Variants in ETV6 observed in about 807,000 individuals in gnomAD.
ETV6 encodes the protein transcription factor ETV6.
ETV6 carries 16 observed loss-of-function variants against 51.1 expected under a neutral mutation model. The observed-to-expected ratio is 0.31, with a 90% CI of 0.21 to 0.48. ETV6 has a LOEUF of 0.48. Ranked by LOEUF, ETV6 falls within the 20% of genes least tolerant of loss-of-function variation. The pLI is 0.99. For missense variants in ETV6, 458 were observed against 594.8 expected, an observed-to-expected ratio of 0.77 and a Z score of 2.39; for synonymous variants, 240 against 224.1, an observed-to-expected ratio of 1.07 and a Z score of -0.64.
intron 1 of ETV6, among the ~76,000 whole-genome samples, chr12:11,726,882 G>T (rs1269443681): frequency 6.6e-6 from 1 of 152,326 alleles, no homozygotes; most frequent in Middle Eastern, 3.4e-3. Context: ...GTAAGCCATC[G>T]ACACACACAT....
chr12:11,793,771 AT>A (rs1945638936), intron 2 of ETV6, among the ~76,000 whole-genome samples: 1 of 152,176 alleles, frequency 6.6e-6, no homozygotes, highest in Non-Finnish European at 1.5e-5. Flanking sequence ...TCTTACTTGT[AT>A]TTCCCAGGCA....
rs1017872316 is a variant in ETV6, at chr12:11,894,642, A to G, written c.*3596A>G. 2.1e-5 allele frequency: 5 copies of G among 233,136 alleles called. No individual in the cohort carries two copies. Among genetic ancestry groups the G allele is most frequent in the African/African-American group, 8.8e-5 (4 of 45,346 alleles). 14.4% of individuals were successfully genotyped at this position (233,136 alleles called of 1,614,324 possible). On this transcript the variant is annotated 3_prime_UTR_variant, in exon 8 of 8. Coordinates refer to ENST00000396373, the MANE Select transcript of ETV6 (RefSeq NM_001987.5). ...AGCTGAAATTCAAATGGCTGTGACA[A>G]TTTACCGAAATGATGAAGTAACCAC... is the stretch of plus-strand genomic sequence containing the variant.
At chr12:11,877,302 CT>C (rs377757573) in intron 5 of ETV6, among the ~76,000 whole-genome samples, 2,720 of 141,494 alleles carry the variant, frequency 0.019, 42 homozygotes, top group African/African-American at 0.043. Flanking sequence ...AGCCTATAGA[CT>C]TTTTTTTTTT....
intron 2 of ETV6, among the ~76,000 whole-genome samples, chr12:11,808,060 A>T (rs1313688061): frequency 3.9e-5 from 6 of 152,234 alleles, no homozygotes; most frequent in African/African-American, 1.4e-4. Flanking sequence ...AATTCACTTG[A>T]AAAAGAATAC....
intron 1 of ETV6, among the ~76,000 whole-genome samples, chr12:11,653,793 T>C (rs1279477096): frequency 6.6e-6 from 1 of 151,400 alleles, no homozygotes; most frequent in East Asian, 1.9e-4. Flanking sequence ...TGCTTATTAA[T>C]AGAATTTTGA....
At chr12:11,886,896 G>C (rs2723809) in intron 7 of ETV6, among the ~76,000 whole-genome samples, 121,366 of 152,098 alleles carry the variant, frequency 0.8, 49,191 homozygotes, top group Middle Eastern at 0.9. Flanking sequence ...TGGGTGATGA[G>C]TTTTGGCAGG....
At chr12:11,842,281 A>G (rs1946403321) in intron 3 of ETV6, among the ~76,000 whole-genome samples, 1 of 151,880 alleles carries the variant, frequency 6.6e-6, no homozygotes, top group Non-Finnish European at 1.5e-5. Flanking sequence ...CTTGACTCCC[A>G]TCCCTACTTC....
At chr12:11,886,140 C>A in intron 7 of ETV6, 114 bp downstream of exon 7, 4 of 733,236 alleles carry the variant, frequency 5.5e-6, no homozygotes, top group South Asian at 3.4e-5. Flanking sequence ...TACCCAAAGC[C>A]AATCATTGCT....
chr12:11,735,565 G>C (rs1470986693), intron 1 of ETV6, among the ~76,000 whole-genome samples: 1 of 152,194 alleles, frequency 6.6e-6, no homozygotes, highest in Admixed American at 6.5e-5. Flanking sequence ...CTGGGTTCCA[G>C]GCCTGGCTTG....
intron 2 of ETV6, among the ~76,000 whole-genome samples, chr12:11,829,107 A>G (rs1419737137): frequency 6.6e-6 from 1 of 151,978 alleles, no homozygotes; most frequent in African/African-American, 2.4e-5. Context: ...TCCTCAAAGC[A>G]CTGTACTGGG....
rs553234277 is a variant in ETV6 at position 11,687,284 on chromosome 12, G to A, written c.33+37124G>A. ...CCCACGCCCCCCACCAGGTTCAAAC[G>A]ATTCTCCTGCTTCAGCCTCCCAAGT... On this transcript the variant is annotated intron_variant, in intron 1 of 7. Coordinates refer to ENST00000396373, the MANE Select transcript of ETV6 (RefSeq NM_001987.5). Among the ~76,000 whole-genome samples, 11 of 128,746 alleles carry A rather than the reference G, an allele frequency of 8.5e-5. No individual in the cohort carries two copies. In the South Asian group the frequency reaches 2.1e-3, roughly 25 times the overall value. The allele number at this position is 128,746 out of a possible 152,430, so 84.5% of individuals were successfully genotyped here.
intron 2 of ETV6, among the ~76,000 whole-genome samples, chr12:11,753,425 A>G (rs1397006282): frequency 6.6e-6 from 1 of 152,152 alleles, no homozygotes; most frequent in Non-Finnish European, 1.5e-5. Context: ...CACCCTCTTC[A>G]CAGTGTCCAA....
intron 2 of ETV6, among the ~76,000 whole-genome samples, chr12:11,782,319 T>C (rs1945424867): frequency 6.6e-6 from 1 of 152,174 alleles, no homozygotes; most frequent in African/African-American, 2.4e-5. Flanking sequence ...TAACAGTTTG[T>C]TAAACTGTTG....
intron 6 of ETV6, among the ~76,000 whole-genome samples, chr12:11,885,660 C>T (rs777500391): frequency 6.6e-6 from 1 of 152,204 alleles, no homozygotes; most frequent in Non-Finnish European, 1.5e-5. Flanking sequence ...GCTATGGGAT[C>T]TGCTTTATTA....
intron 7 of ETV6, among the ~76,000 whole-genome samples, chr12:11,889,541 A>C (rs941384288): frequency 6.6e-6 from 1 of 152,338 alleles, no homozygotes; most frequent in Middle Eastern, 3.4e-3. Context: ...AGTGCCATTA[A>C]GCAGCTCTTT....
intron 2 of ETV6, among the ~76,000 whole-genome samples, chr12:11,773,276 A>T (rs1330096679): frequency 2.0e-5 from 3 of 150,926 alleles, no homozygotes; most frequent in African/African-American, 7.3e-5. Context: ...GGTATAAAGA[A>T]TTTTTTTTAA....
At chr12:11,803,886 A>G (rs958177250) in intron 2 of ETV6, among the ~76,000 whole-genome samples, 3 of 152,224 alleles carry the variant, frequency 2.0e-5, no homozygotes, top group Non-Finnish European at 2.9e-5. Flanking sequence ...TATTGATGTC[A>G]TAATATGTAG....
chr12:11,749,286 C>T (rs1422785329), intron 1 of ETV6, among the ~76,000 whole-genome samples: 1 of 64,238 alleles, frequency 1.6e-5, no homozygotes, highest in Non-Finnish European at 3.1e-5. Context: ...TTATCCCCCC[C>T]ATACACACAC....
Position 11,726,283 on chromosome 12 carries a change from T to G in ETV6, c.34-26167T>G, listed in dbSNP as rs1234970783. Among the ~76,000 whole-genome samples the G allele has an allele frequency of 2.0e-5, 3 of 152,128 alleles. No individual in the cohort carries two copies. In the East Asian group the frequency reaches 5.8e-4, roughly 29 times the overall value. ...GGAAAAGAGGGGAGACCAGCTGTGT[T>G]CAGAACCCACAGTCATTTCCTCAGG... On this transcript the variant is annotated intron_variant, in intron 1 of 7. Transcript: ENST00000396373.
Sources: allele counts gnomAD v4.1 joint callset (sites outside exome capture counted in the v4.1 genomes callset), GRCh38; gene constraint gnomAD v4.1.1; transcripts MANE v1.5; gene names NCBI Gene and HGNC (gene_info 2026-07-23, HGNC 2026-07-21).